The following BABAM2 variants were observed in gnomAD, a reference collection of about 807,000 sequenced individuals.
BABAM2 encodes BRISC and BRCA1 A complex member 2.
Under a neutral mutation model 54.7 loss-of-function variants are expected in BABAM2, and 31 were observed. The ratio of observed to expected loss-of-function variants is 0.57; its 90% CI spans 0.43 to 0.77. The LOEUF (loss-of-function observed/expected upper bound fraction) is 0.77, where lower values mean the gene tolerates loss of function less well. BABAM2 is among the 30% of genes least tolerant of loss of function. The pLI, the probability that BABAM2 is intolerant of heterozygous loss-of-function variation, is 0.00. For synonymous variants in BABAM2, 167 were observed against 162.9 expected, an observed-to-expected ratio of 1.03 and a Z score of -0.19; for missense variants, 364 against 455.8, an observed-to-expected ratio of 0.80 and a Z score of 1.83.
chr2:28,088,479 G>A (rs571346755), intron 6 of BABAM2, among the ~76,000 whole-genome samples: 12 of 152,280 alleles, frequency 7.9e-5, no homozygotes, highest in African/African-American at 2.6e-4. Context: ...TGGAGCTACA[G>A]GTGTGGACGA....
chr2:28,091,315 C>T (rs1666135804), intron 6 of BABAM2, among the ~76,000 whole-genome samples: 1 of 152,186 alleles, frequency 6.6e-6, no homozygotes, highest in Admixed American at 6.5e-5. Flanking sequence ...GTATTAGCAT[C>T]TCACAGTTGC....
chr2:27,949,830 T>C (rs1248011869), intron 3 of BABAM2, among the ~76,000 whole-genome samples: 1 of 152,210 alleles, frequency 6.6e-6, no homozygotes, highest in Non-Finnish European at 1.5e-5. Context: ...AAACATCTGG[T>C]AATTTGAATT....
intron 10 of BABAM2, among the ~76,000 whole-genome samples, chr2:28,288,617 A>G (rs1687019827): frequency 6.6e-6 from 1 of 152,048 alleles, no homozygotes; most frequent in African/African-American, 2.4e-5. Flanking sequence ...GCTTTTCTAC[A>G]TCGAATATGA....
At chr2:28,260,180 G>C (rs1394885685) in intron 10 of BABAM2, among the ~76,000 whole-genome samples, 4 of 151,954 alleles carry the variant, frequency 2.6e-5, no homozygotes, top group Admixed American at 6.6e-5. Context: ...ACAGGCGTGA[G>C]CCACCACACC....
At chr2:28,153,772 G>A (rs1672275648) in intron 7 of BABAM2, among the ~76,000 whole-genome samples, 1 of 152,188 alleles carries the variant, frequency 6.6e-6, no homozygotes. Flanking sequence ...TTCATAGGTA[G>A]TTGAACACAC....
At chr2:28,237,159 T>C in intron 7 of BABAM2, 43 bp from the exon 8 acceptor site, 1 of 1,555,782 alleles carries the variant, frequency 6.4e-7, no homozygotes, top group African/African-American at 1.4e-5. Flanking sequence ...CTTAAGTTGC[T>C]TGAGCCCTAA....
At chr2:28,038,107 A>G (rs1676798256) in intron 5 of BABAM2, among the ~76,000 whole-genome samples, 1 of 152,238 alleles carries the variant, frequency 6.6e-6, no homozygotes, top group South Asian at 2.1e-4. Context: ...ACAAAACATT[A>G]TAGTAAAAAT....
chr2:28,327,693 T>C (rs1690595534), intron 11 of BABAM2, among the ~76,000 whole-genome samples: 3 of 152,202 alleles, frequency 2.0e-5, no homozygotes, highest in Admixed American at 6.5e-5. Flanking sequence ...AGCCTGAGGT[T>C]GGAGGCCCGG....
intron 7 of BABAM2, among the ~76,000 whole-genome samples, chr2:28,228,281 T>A (rs1381436428): frequency 1.3e-5 from 2 of 152,190 alleles, no homozygotes; most frequent in Non-Finnish European, 2.9e-5. Context: ...TACCAGGTAA[T>A]AGAAATCAGG....
intron 6 of BABAM2, among the ~76,000 whole-genome samples, chr2:28,099,420 G>A (rs1666884301): frequency 6.6e-6 from 1 of 152,056 alleles, no homozygotes; most frequent in South Asian, 2.1e-4. Context: ...CTCAGAATGG[G>A]TGTTGCAGTT....
chr2:28,031,415 A>G (rs926486137), intron 5 of BABAM2, among the ~76,000 whole-genome samples: 2 of 152,146 alleles, frequency 1.3e-5, no homozygotes, highest in African/African-American at 2.4e-5. Flanking sequence ...AAAGATAGCT[A>G]TTGTGCAAGA....
At chr2:28,310,304 T>C in intron 11 of BABAM2, 1 of 746,446 alleles carries the variant, frequency 1.3e-6, no homozygotes, top group Non-Finnish European at 2.1e-6. Flanking sequence ...CAGACCAGGC[T>C]GCACCAGGCA....
intron 7 of BABAM2, among the ~76,000 whole-genome samples, chr2:28,221,386 A>G (rs1680397847): frequency 6.6e-6 from 1 of 152,220 alleles, no homozygotes; most frequent in Non-Finnish European, 1.5e-5. Flanking sequence ...AACACGAAGT[A>G]CGTCGATTTA....
chr2:28,241,525 C>T (rs988410371), intron 9 of BABAM2, 132 bp downstream of exon 9: 27 of 792,266 alleles, frequency 3.4e-5, no homozygotes, highest in Middle Eastern at 2.5e-4. Context: ...GAGACAGTCT[C>T]GCTCTGTCAC....
intron 3 of BABAM2, among the ~76,000 whole-genome samples, chr2:27,965,947 A>G (rs1413334988): frequency 7.1e-6 from 1 of 141,574 alleles, no homozygotes; most frequent in Non-Finnish European, 1.6e-5. Context: ...TTTTATATTT[A>G]TTTGTAAAGA....
At chr2:28,038,320 G>C (rs1321806714) in intron 5 of BABAM2, among the ~76,000 whole-genome samples, 1 of 152,116 alleles carries the variant, frequency 6.6e-6, no homozygotes, top group Non-Finnish European at 1.5e-5. Flanking sequence ...TTTCCTCCTG[G>C]AATTTGCTCT....
chr2:28,274,438 T>C (rs1390450301), intron 10 of BABAM2, among the ~76,000 whole-genome samples: 1 of 152,224 alleles, frequency 6.6e-6, no homozygotes, highest in Non-Finnish European at 1.5e-5. Flanking sequence ...TGTTTTGTTT[T>C]GTTTTTTGAG....
chr2:28,174,342 A>G (rs1490150568), intron 7 of BABAM2, among the ~76,000 whole-genome samples: 2 of 152,244 alleles, frequency 1.3e-5, no homozygotes, highest in Non-Finnish European at 2.9e-5. Context: ...ATATATATAT[A>G]AAAGAAATAT....
intron 10 of BABAM2, among the ~76,000 whole-genome samples, 182 bp downstream of exon 10, chr2:28,245,044 G>C (rs1682790615): frequency 1.3e-5 from 2 of 151,900 alleles, no homozygotes; most frequent in African/African-American, 4.8e-5. Context: ...TCAACCACTG[G>C]AGCAATTTTG....
Sources: gnomAD v4.1 joint callset for allele counts (sites outside exome capture counted in the v4.1 genomes callset) on GRCh38, gnomAD v4.1.1 for gene constraint, MANE v1.5 for transcripts, NCBI Gene and HGNC (gene_info 2026-07-23, HGNC 2026-07-21) for gene names.